Variants in SCAF8 observed in about 807,000 individuals in gnomAD.
The protein encoded by SCAF8 is SR-related CTD associated factor 8, also known as SR-related and CTD-associated factor 8.
A neutral mutation model predicts 140.5 loss-of-function variants in SCAF8; 23 were observed. The ratio of observed to expected loss-of-function variants is 0.16; its 90% confidence interval spans 0.12 to 0.23. The LOEUF (loss-of-function observed/expected upper bound fraction) is 0.23. SCAF8 is among the 10% of genes least tolerant of loss of function. The pLI, the probability that SCAF8 is intolerant of heterozygous loss-of-function variation, is 1.00. For missense variants in SCAF8, 1,397 were observed against 1,555.7 expected (o/e 0.90, Z 1.72); for synonymous variants, 575 against 528.9 (o/e 1.09, Z -1.20).
rs143809385 is a variant in SCAF8 at position 154,813,080 on chromosome 6, T to A, written c.1421-2636T>A. ...ATTAGTTCGGCAAGGTGGTTCACAC[T>A]TCTGTAGTCCCAGCTACTCAAGAAA... On this transcript the variant is annotated intron_variant, in intron 12 of 19. Coordinates refer to ENST00000367178, the MANE Select transcript of SCAF8 (RefSeq NM_014892.5). Among the ~76,000 whole-genome samples, 396 of 151,316 alleles carry A rather than the reference T, an allele frequency of 2.6e-3. 4 individuals carry two copies. Among genetic ancestry groups the A allele is most frequent in the Admixed American group, 5.5e-3 (84 of 15,212 alleles).
Position 154,831,090 on chromosome 6 carries a change from T to G in SCAF8, c.2309T>G (p.Val770Gly). Residue 770 changes from valine to glycine, a missense_variant, in exon 19 of 20, where the codon GTA becomes GGA. Physicochemically the swap from Val to Gly is moderately radical, Grantham distance 109 (BLOSUM62 -3). This residue lies in a region of SCAF8 where 930 missense variants were observed against 874.6 expected (regional missense o/e 1.06). Transcript: ENST00000367178. ...AAACAGGCAGAGCCTGAAGAAAAAG[T>G]ACCTCATCTTATAGACCACCAGATT... is the stretch of plus-strand genomic sequence containing the variant. ...PTKQAEPEEK[V>G]PHLIDHQISS... 1 of 1,613,732 alleles carries G rather than the reference T, an allele frequency of 6.2e-7. No individual in the cohort carries two copies. The highest frequency in any genetic ancestry group is 8.5e-7 in the Non-Finnish European group (1 of 1,179,718).
At chr6:154,798,965 A>T (rs1777687668) in intron 6 of SCAF8, among the ~76,000 whole-genome samples, 1 of 150,664 alleles carries the variant, frequency 6.6e-6, no homozygotes. Context: ...TGCCTGGTTA[A>T]TTTTTTATTT....
Position 154,819,853 on chromosome 6 carries a change from G to A in SCAF8, c.1636-324G>A, listed in dbSNP as rs149295068. ...AAAATACAAAAATTAGTTGGGCATG[G>A]TGTTGCCTGCCTGCAGTCCCAGCTG... is the stretch of plus-strand genomic sequence containing the variant. On this transcript the variant is annotated intron_variant, in intron 14 of 19. Coordinates refer to ENST00000367178, the MANE Select transcript of SCAF8 (RefSeq NM_014892.5). Among the ~76,000 whole-genome samples, 296 of 152,164 alleles carry A rather than the reference G, an allele frequency of 1.9e-3. 1 individual carries two copies. The highest frequency in any genetic ancestry group is 6.6e-3 in the African/African-American group (276 of 41,532).
At chr6:154,751,148 G>A (rs1264137905) in intron 1 of SCAF8, among the ~76,000 whole-genome samples, 2 of 152,152 alleles carry the variant, frequency 1.3e-5, no homozygotes, top group Non-Finnish European at 2.9e-5. Context: ...TTATGCATTT[G>A]TAGCTATAGG....
intron 1 of SCAF8, among the ~76,000 whole-genome samples, chr6:154,766,453 T>C (rs185184514): frequency 3.9e-5 from 6 of 152,332 alleles, no homozygotes; most frequent in Admixed American, 1.3e-4. Flanking sequence ...AAAGCAGTCT[T>C]GGATAATTGT....
intron 1 of SCAF8, among the ~76,000 whole-genome samples, chr6:154,767,082 A>G (rs1236640845): frequency 4.6e-5 from 7 of 152,184 alleles, no homozygotes; most frequent in African/African-American, 1.7e-4. Context: ...TTTAAAAGGC[A>G]GTCCCTTACT....
In SCAF8 at chr6:154,784,246, AAG is replaced by A. The variant is rs1777185351; in HGVS notation, c.160-3611_160-3610del. 2.0e-5 allele frequency among the ~76,000 whole-genome samples: 3 copies of A among 150,544 alleles called. No homozygotes were observed. The South Asian group carries it at 6.2e-4, about 31-fold the overall frequency. On this transcript the variant is annotated intron_variant, in intron 3 of 19. Coordinates refer to ENST00000367178, the MANE Select transcript of SCAF8 (RefSeq NM_014892.5). ...CCTTTATGCTTGGAGGTAGGATACA[AAG>A]AGATTTTTGTACATGGGCACAAATA... is the stretch of plus-strand genomic sequence containing the variant.
chr6:154,747,898 G>A (rs74710299), intron 1 of SCAF8, among the ~76,000 whole-genome samples: 70 of 54,480 alleles, frequency 1.3e-3, no homozygotes, highest in African/African-American at 0.01. Flanking sequence ...TTTCATTTCT[G>A]TGTGTGTGTG....
chr6:154,733,421 G>A lies in SCAF8; in HGVS notation c.-480G>A. ...CGGCCCGACTCGAGTCCGCCATATT[G>A]GATGCCGCAGCCGCTGCTGCCAGCG... On this transcript the variant is annotated 5_prime_UTR_variant, in exon 1 of 20. Coordinates refer to ENST00000367178, the MANE Select transcript of SCAF8 (RefSeq NM_014892.5). 2 of 1,405,136 alleles carry A rather than the reference G, an allele frequency of 1.4e-6. No individual in the cohort carries two copies. The highest frequency in any genetic ancestry group is 1.9e-6 in the Non-Finnish European group (2 of 1,079,620). The allele number at this position is 1,405,136 out of a possible 1,614,324, so 87.0% of individuals were successfully genotyped here. A position where few individuals can be genotyped will look rare whatever the true frequency, so the allele number is the denominator to read the frequency against.
intron 4 of SCAF8, among the ~76,000 whole-genome samples, 161 bp downstream of exon 4, chr6:154,788,183 A>T (rs1777309103): frequency 1.3e-5 from 2 of 152,136 alleles, no homozygotes; most frequent in African/African-American, 2.4e-5. Context: ...TTGTAATACC[A>T]TATTTTTATT....
Position 154,833,418 on chromosome 6 carries a change from T to TA in SCAF8, c.*24dup, listed in dbSNP as rs1232682889. 1.9e-6 allele frequency: 3 copies of TA among 1,595,028 alleles called. No homozygotes were observed. The highest frequency in any genetic ancestry group is 1.2e-5 in the South Asian group (1 of 86,858). The stretch of plus-strand genomic sequence containing the variant: ...TAATCATCACTCAGTAGGTAAAAGA[T>TA]ACCTTTTGTAAAGTTGTCATCTCTC... On this transcript the variant is annotated 3_prime_UTR_variant, in exon 20 of 20. Transcript: ENST00000367178.
Position 154,753,647 on chromosome 6 carries a change from A to G in SCAF8, c.30+19717A>G, listed in dbSNP as rs576445870. ...CATGTATAAAGTGTCTATTTTATATATATACATGTATACAATGTACATATT... is the reference window on the plus strand; with the variant it reads ...CATGTATAAAGTGTCTATTTTATATGTATACATGTATACAATGTACATATT... On this transcript the variant is annotated intron_variant, in intron 1 of 19. Transcript: ENST00000367178. Among the ~76,000 whole-genome samples the G allele has an allele frequency of 2.0e-4, 30 of 152,256 alleles. No individual in the cohort carries two copies. The South Asian group carries it at 5.2e-3, about 26-fold the overall frequency.
intron 1 of SCAF8, among the ~76,000 whole-genome samples, chr6:154,772,297 A>G (rs983141356): frequency 3.3e-5 from 5 of 152,244 alleles, no homozygotes; most frequent in Non-Finnish European, 5.9e-5. Flanking sequence ...GCATCTCTGC[A>G]TATAATAGAA....
At chr6:154,746,221 T>C (rs1272221191) in intron 1 of SCAF8, among the ~76,000 whole-genome samples, 1 of 152,206 alleles carries the variant, frequency 6.6e-6, no homozygotes, top group Non-Finnish European at 1.5e-5. Context: ...CACTGAGTTA[T>C]CTTTATACTC....
At position 154,810,004 on chromosome 6, in the gene SCAF8, A is replaced by T; in HGVS notation, c.1227-11A>T. The T allele has an allele frequency of 2.5e-6, 4 of 1,584,568 alleles. No individual in the cohort carries two copies. The highest frequency in any genetic ancestry group is 2.6e-6 in the Non-Finnish European group (3 of 1,172,448). On this transcript the variant is annotated splice_polypyrimidine_tract_variant and intron_variant, in intron 11 of 19. Transcript: ENST00000367178. ...CATTGTCATTAGAAGTAAAATGAAA[A>T]TTTTTTGTAGATCACCAAGAAAACG...
Position 154,820,290 on chromosome 6 carries a change from T to C in SCAF8, c.1749T>C (p.Gly583=), listed in dbSNP as rs1424506225. The C allele has an allele frequency of 1.2e-6, 2 of 1,611,884 alleles. No homozygotes were observed. The highest frequency in any genetic ancestry group is 2.2e-5 in the East Asian group (1 of 44,752). The change falls in exon 15 of 20, where the codon GGT becomes GGC. Residue 583 remains glycine (G), a synonymous_variant. Transcript: ENST00000367178. ...WEKVKVDDLE[G]FAEGGMIDQE... ...AAGTTAAAGTGGATGACTTGGAAGG[T>C]TTTGCAGAAGGAGGCATGATTGATC... is the stretch of plus-strand genomic sequence containing the variant.
intron 4 of SCAF8, among the ~76,000 whole-genome samples, chr6:154,791,002 A>G (rs893317943): frequency 3.3e-5 from 5 of 152,224 alleles, no homozygotes; most frequent in Non-Finnish European, 5.9e-5. Flanking sequence ...ATTAGTGATA[A>G]TATGAATTCA....
At chr6:154,779,063 C>T (rs1054550939) in intron 3 of SCAF8, among the ~76,000 whole-genome samples, 3 of 152,046 alleles carry the variant, frequency 2.0e-5, no homozygotes, top group African/African-American at 7.2e-5. Context: ...GACGGAGTCT[C>T]ACTCTGTCGC....
intron 6 of SCAF8, among the ~76,000 whole-genome samples, chr6:154,797,825 T>C (rs1777652045): frequency 6.6e-6 from 1 of 151,610 alleles, no homozygotes. Context: ...TTTCTAACAT[T>C]TTTCATTACT....
Sources: gnomAD v4.1 joint callset for allele counts (sites outside exome capture counted in the v4.1 genomes callset) on GRCh38, gnomAD v4.1.1 for gene constraint, gnomAD v4.1.1 regional missense constraint, MANE v1.5 for transcripts, NCBI Gene and HGNC (gene_info 2026-07-23, HGNC 2026-07-21) for gene names.